C8orf34: variants seen among roughly 807,000 people sequenced by gnomAD.
C8orf34 encodes the protein uncharacterized protein C8orf34.
Under a neutral mutation model 68.3 loss-of-function variants are expected in C8orf34, and 65 were observed. That is an observed-to-expected ratio of 0.95 (90% CI 0.78 to 1.17). The LOEUF (loss-of-function observed/expected upper bound fraction) is 1.17. Among genes scored for constraint, C8orf34 ranks in the 50% most tolerant of loss-of-function variants. C8orf34 has a pLI of 0.00. For synonymous variants in C8orf34, 244 were observed against 241.2 expected (o/e 1.01, Z -0.11); for missense variants, 664 against 655.4 (o/e 1.01, Z -0.14).
At chr8:68,494,156 A>G (rs768452375) in intron 5 of C8orf34, among the ~76,000 whole-genome samples, 1 of 152,234 alleles carries the variant, frequency 6.6e-6, no homozygotes, top group Non-Finnish European at 1.5e-5. Context: ...AAAATGCAGT[A>G]TATACATATA....
intron 7 of C8orf34, among the ~76,000 whole-genome samples, chr8:68,626,980 C>G (rs1380877921): frequency 6.6e-6 from 1 of 151,940 alleles, no homozygotes; most frequent in African/African-American, 2.4e-5. Context: ...AGAGAAGTGT[C>G]CTGGGAGAAT....
chr8:68,759,412 T>A (rs1436611638), intron 10 of C8orf34, among the ~76,000 whole-genome samples: 1 of 152,188 alleles, frequency 6.6e-6, no homozygotes, highest in Non-Finnish European at 1.5e-5. Flanking sequence ...AAATGCAATT[T>A]TGTGTTTTCT....
At chr8:68,433,802 T>C (rs993102631) in intron 1 of C8orf34, among the ~76,000 whole-genome samples, 1 of 152,250 alleles carries the variant, frequency 6.6e-6, no homozygotes, top group Non-Finnish European at 1.5e-5. Flanking sequence ...TGTTGCTTAA[T>C]GACTCATTCC....
intron 1 of C8orf34, among the ~76,000 whole-genome samples, chr8:68,334,920 C>A (rs540451664): frequency 6.6e-6 from 1 of 152,320 alleles, no homozygotes; most frequent in East Asian, 1.9e-4. Flanking sequence ...CCCCACGGCA[C>A]TTCTTCCAGC....
chr8:68,429,605 T>C (rs1483145210), intron 1 of C8orf34, among the ~76,000 whole-genome samples: 3 of 152,108 alleles, frequency 2.0e-5, no homozygotes, highest in Non-Finnish European at 4.4e-5. Context: ...TACCAAGAAA[T>C]GGAAATACTC....
intron 7 of C8orf34, among the ~76,000 whole-genome samples, chr8:68,572,223 A>G (rs1319015429): frequency 6.9e-6 from 1 of 143,916 alleles, no homozygotes; most frequent in African/African-American, 2.8e-5. Flanking sequence ...GATGTGGTGC[A>G]TGACTGTATA....
chr8:68,709,735 A>C (rs894648981), intron 9 of C8orf34, among the ~76,000 whole-genome samples: 8 of 152,312 alleles, frequency 5.3e-5, no homozygotes, highest in Non-Finnish European at 1.2e-4. Flanking sequence ...CTGAAAATAA[A>C]GCTGCTTATT....
At chr8:68,718,653 C>G (rs547443514) in intron 9 of C8orf34, among the ~76,000 whole-genome samples, 1 of 152,094 alleles carries the variant, frequency 6.6e-6, no homozygotes, top group Non-Finnish European at 1.5e-5. Flanking sequence ...GCTCGGGAAG[C>G]GTAAACATTT....
intron 3 of C8orf34, among the ~76,000 whole-genome samples, chr8:68,465,725 C>T (rs1051220943): frequency 1.3e-5 from 2 of 151,354 alleles, no homozygotes; most frequent in Non-Finnish European, 2.9e-5. Flanking sequence ...ACCGCATGTT[C>T]TCACTCATAG....
chr8:68,545,750 A>G (rs1253719345), intron 7 of C8orf34, among the ~76,000 whole-genome samples: 1 of 152,174 alleles, frequency 6.6e-6, no homozygotes, highest in Non-Finnish European at 1.5e-5. Flanking sequence ...GCTAGAAGGA[A>G]ATGATACCAG....
intron 3 of C8orf34, among the ~76,000 whole-genome samples, chr8:68,460,124 T>C (rs531097741): frequency 1.5e-3 from 224 of 151,950 alleles, no homozygotes; most frequent in African/African-American, 4.9e-3. Flanking sequence ...AAAAACGGAG[T>C]ACCAGGAGAT....
intron 11 of C8orf34, among the ~76,000 whole-genome samples, chr8:68,777,963 C>T (rs1348075745): frequency 2.0e-5 from 3 of 152,108 alleles, no homozygotes; most frequent in African/African-American, 7.2e-5. Flanking sequence ...TTTAGTATTA[C>T]TCAGTACTTT....
intron 10 of C8orf34, among the ~76,000 whole-genome samples, chr8:68,738,606 A>G (rs945453403): frequency 2.0e-5 from 3 of 152,140 alleles, no homozygotes; most frequent in African/African-American, 4.8e-5. Flanking sequence ...AGGGGATGTT[A>G]TCACTCACCC....
intron 12 of C8orf34, among the ~76,000 whole-genome samples, chr8:68,815,347 T>TAC (rs931152905): frequency 2.0e-5 from 3 of 146,752 alleles, no homozygotes; most frequent in Non-Finnish European, 4.5e-5. Context: ...TATATATGGG[T>TAC]ACACACATAT....
Position 68,331,081 on chromosome 8 carries a change from G to A in C8orf34, c.69G>A (p.Ala23=), listed in dbSNP as rs1805556486. 2.8e-6 allele frequency: 4 copies of A among 1,444,998 alleles called. No individual in the cohort carries two copies. Among genetic ancestry groups the A allele is most frequent in the Non-Finnish European group, 3.6e-6 (4 of 1,102,868 alleles). The allele number at this position is 1,444,998 out of a possible 1,614,324, so 89.5% of individuals were successfully genotyped here. A position where few individuals can be genotyped will look rare whatever the true frequency, so the allele number is the denominator to read the frequency against. ...TGCGCCCAGGCTTCCGGCTCTCAGCGCCCCACGCGCGCGTGGCTCCCCGGG... is the reference window on the plus strand; with the variant it reads ...TGCGCCCAGGCTTCCGGCTCTCAGCACCCCACGCGCGCGTGGCTCCCCGGG... ...AALRPGFRLS[A]PHARVAPRAA... is the part of the protein sequence containing the mutation. The change falls in exon 1 of 14, where the codon GCG becomes GCA. Residue 23 remains alanine (A), a synonymous_variant. Coordinates refer to ENST00000518698, the MANE Select transcript of C8orf34 (RefSeq NM_052958.4).
chr8:68,569,883 A>G (rs117846713), intron 7 of C8orf34, among the ~76,000 whole-genome samples: 1 of 152,242 alleles, frequency 6.6e-6, no homozygotes, highest in Non-Finnish European at 1.5e-5. Context: ...TTCTTCCCAT[A>G]CTCACAACCT....
intron 9 of C8orf34, among the ~76,000 whole-genome samples, chr8:68,716,764 C>A (rs1423102219): frequency 6.6e-6 from 1 of 151,886 alleles, no homozygotes; most frequent in East Asian, 2.0e-4. Context: ...CCTAGAAACT[C>A]CATTTCTAGG....
intron 10 of C8orf34, among the ~76,000 whole-genome samples, chr8:68,772,716 TTTC>T (rs369284501): frequency 2.2e-3 from 317 of 141,496 alleles, no homozygotes; most frequent in African/African-American, 7.6e-3. Context: ...TCTTTCTTTC[TTTC>T]TTTCTTTTTC....
At chr8:68,445,273 A>C (rs1811074842) in intron 2 of C8orf34, among the ~76,000 whole-genome samples, 1 of 152,192 alleles carries the variant, frequency 6.6e-6, no homozygotes, top group African/African-American at 2.4e-5. Flanking sequence ...GTAGCCAGAG[A>C]AAAGACTTAT....
Sources: gnomAD v4.1 joint callset for allele counts (sites outside exome capture counted in the v4.1 genomes callset) on GRCh38, gnomAD v4.1.1 for gene constraint, MANE v1.5 for transcripts, NCBI Gene and HGNC (gene_info 2026-07-23, HGNC 2026-07-21) for gene names.